Variants in SELENOO observed in about 807,000 individuals in gnomAD.
SELENOO encodes protein adenylyltransferase SelO, mitochondrial.
Under a neutral mutation model 58.7 loss-of-function variants are expected in SELENOO, and 74 were observed. That is an observed-to-expected ratio of 1.26 (90% CI 1.04 to 1.53). SELENOO has a LOEUF of 1.53. Ranked by LOEUF, SELENOO falls within the 40% of genes most tolerant of loss-of-function variation. The pLI is 0.00. For synonymous variants in SELENOO, 543 were observed against 453.2 expected, an observed-to-expected ratio of 1.20 and a Z score of -2.52; for missense variants, 1,149 against 970.0, an observed-to-expected ratio of 1.18 and a Z score of -2.45.
chr22:50,217,561 A>T lies in SELENOO; in HGVS notation c.*192A>T. 1 of 949,954 alleles carries T rather than the reference A, an allele frequency of 1.1e-6. No homozygotes were observed. The highest frequency in any genetic ancestry group is 1.7e-5 in the South Asian group (1 of 58,986). 58.8% of individuals were successfully genotyped at this position (949,954 alleles called of 1,614,324 possible). On this transcript the variant is annotated 3_prime_UTR_variant, in exon 9 of 9. Transcript: ENST00000380903. ...CTGTCTGAGGCCGGCTCAGCAGTGCAGCCTGGTCCCTGGGGGCTGGACCCA... is the reference window on the plus strand; with the variant it reads ...CTGTCTGAGGCCGGCTCAGCAGTGCTGCCTGGTCCCTGGGGGCTGGACCCA...
chr22:50,202,084 C>G (rs758732405), intron 1 of SELENOO, among the ~76,000 whole-genome samples: 180 of 152,110 alleles, frequency 1.2e-3, no homozygotes, highest in Non-Finnish European at 1.9e-3. Flanking sequence ...GTCCAGATGC[C>G]GCCAGGCCCA....
intron 5 of SELENOO, among the ~76,000 whole-genome samples, chr22:50,214,004 A>G (rs2064389252): frequency 6.6e-6 from 1 of 152,146 alleles, no homozygotes; most frequent in African/African-American, 2.4e-5. Flanking sequence ...CTTACTATAG[A>G]TAGAACTGTT....
At position 50,201,276 on chromosome 22, in the gene SELENOO, C is replaced by A; in HGVS notation, c.240C>A (p.Ala80=). The part of the protein sequence containing the change: ...APSAPRPVPG[A]CFTRVQPTPL... ...CCGCGCCGCGGCCCGTGCCCGGGGCCTGCTTCACCCGCGTGCAGCCCACCC... is the reference window on the plus strand; with the variant it reads ...CCGCGCCGCGGCCCGTGCCCGGGGCATGCTTCACCCGCGTGCAGCCCACCC... Residue 80 remains alanine, a synonymous_variant, in exon 1 of 9, where the codon GCC becomes GCA. Coordinates refer to ENST00000380903, the MANE Select transcript of SELENOO (RefSeq NM_031454.2). 1 of 1,075,592 alleles carries A rather than the reference C, an allele frequency of 9.3e-7. No homozygotes were observed. Among genetic ancestry groups the A allele is most frequent in the Admixed American group, 5.3e-5 (1 of 18,886 alleles). 66.6% of individuals were successfully genotyped at this position (1,075,592 alleles called of 1,614,324 possible).
intron 4 of SELENOO, 28 bp downstream of exon 4, chr22:50,210,339 G>A (rs964335981): frequency 6.2e-7 from 1 of 1,606,840 alleles, no homozygotes; most frequent in Non-Finnish European, 8.5e-7. Context: ...CCAGCAAAGT[G>A]CAGGCCCCAG....
chr22:50,204,901 ATAT>A lies in SELENOO; in HGVS notation c.555-1411_555-1409del, dbSNP rs376951571. The stretch of plus-strand genomic sequence containing the variant: ...AAATGTGATGTGTACATACAGTGGA[ATAT>A]TATTCATCCTTAAGAAAGAAGATGC... On this transcript the variant is annotated intron_variant, in intron 1 of 8. Coordinates refer to ENST00000380903, the MANE Select transcript of SELENOO (RefSeq NM_031454.2). Among the ~76,000 whole-genome samples, 920 of 152,380 alleles carry A rather than the reference ATAT, an allele frequency of 6.0e-3. 9 individuals carry two copies. Among genetic ancestry groups the A allele is most frequent in the African/African-American group, 0.021 (872 of 41,590 alleles).
chr22:50,202,042 G>A lies in SELENOO; in HGVS notation c.554+452G>A, dbSNP rs890598908. Among the ~76,000 whole-genome samples, 27 of 152,172 alleles carry A rather than the reference G, an allele frequency of 1.8e-4. 1 individual carries two copies. Among genetic ancestry groups the A allele is most frequent in the Admixed American group, 1.6e-3 (24 of 15,270 alleles). On this transcript the variant is annotated intron_variant, in intron 1 of 8. Coordinates refer to ENST00000380903, the MANE Select transcript of SELENOO (RefSeq NM_031454.2). The stretch of plus-strand genomic sequence containing the variant: ...GCATCGTTTAGATTTCTGTGGGGGG[G>A]CACACAGGTGGTCTAATAAGGCAGG...
rs184814589 is a variant in SELENOO at position 50,206,383 on chromosome 22, C to T, written c.621C>T (p.Phe207=). Residue 207 remains phenylalanine (F), a synonymous_variant, in exon 2 of 9, where the codon TTC becomes TTT. Coordinates refer to ENST00000380903, the MANE Select transcript of SELENOO (RefSeq NM_031454.2). ...IREFLCSEAM[F]HLGVPTTRAG... is the part of the protein sequence containing the mutation. Reference sequence around the variant, plus strand: ...AGTTTCTATGCAGCGAAGCCATGTTCCACCTGGGAGTCCCCACCACACGGG... The same window carrying T: ...AGTTTCTATGCAGCGAAGCCATGTTTCACCTGGGAGTCCCCACCACACGGG... 39 of 1,614,152 alleles carry T rather than the reference C, an allele frequency of 2.4e-5. No homozygotes were observed. The highest frequency in any genetic ancestry group is 3.1e-5 in the Non-Finnish European group (36 of 1,180,048).
chr22:50,211,271 C>G (rs1301301654), intron 5 of SELENOO, among the ~76,000 whole-genome samples: 1 of 152,202 alleles, frequency 6.6e-6, no homozygotes, highest in African/African-American at 2.4e-5. Flanking sequence ...CCTCTTCTGG[C>G]TGTTGCGTAC....
At chr22:50,206,747 G>T (rs1442002095) in intron 2 of SELENOO, among the ~76,000 whole-genome samples, 1 of 152,240 alleles carries the variant, frequency 6.6e-6, no homozygotes, top group East Asian at 1.9e-4. Flanking sequence ...TACTCAGTTA[G>T]GACACTTGTG....
At chr22:50,216,169 C>T (rs1382979701) in intron 6 of SELENOO, among the ~76,000 whole-genome samples, 1 of 152,192 alleles carries the variant, frequency 6.6e-6, no homozygotes, top group Non-Finnish European at 1.5e-5. Flanking sequence ...GTCAAGCTTT[C>T]CCACACCATC....
In SELENOO at chr22:50,217,244, T is replaced by G. The variant is rs1482171066; in HGVS notation, c.1885T>G (p.Cys629Gly). Residue 629 changes from cysteine to glycine, a missense_variant, in exon 9 of 9, where the codon TGC (cysteine) becomes GGC (glycine). Coordinates refer to ENST00000380903, the MANE Select transcript of SELENOO (RefSeq NM_031454.2). ...GAAACTACTGGAGACCCCTTACCAC[T>G]GCGAGGCGGGGGCCGCCACAGACGC... ...VLKLLETPYH[C>G]EAGAATDAEA... The G allele has an allele frequency of 6.2e-7, 1 of 1,611,468 alleles. No individual in the cohort carries two copies. The highest frequency in any genetic ancestry group is 8.5e-7 in the Non-Finnish European group (1 of 1,179,406).
rs1429388937 is a variant in SELENOO, at chr22:50,210,709, G to T, written c.1149G>T (p.Arg383Ser). The T allele has an allele frequency of 1.2e-6, 2 of 1,613,436 alleles. No individual in the cohort carries two copies. The highest frequency in any genetic ancestry group is 3.3e-5 in the Admixed American group (2 of 60,026). The change falls in exon 5 of 9, where the codon AGG becomes AGT. Residue 383 changes from arginine (R) to serine (S), a missense_variant. Coordinates refer to ENST00000380903, the MANE Select transcript of SELENOO (RefSeq NM_031454.2). ...YAYSKQPEVC[R>S]WNLRKLAEAL... ...ACAGCAAGCAGCCCGAGGTGTGCAG[G>T]TGGAACCTGCGGAAGCTGGCCGAGG... is the stretch of plus-strand genomic sequence containing the variant.
Position 50,210,848 on chromosome 22 carries a change from C to A in SELENOO, c.1288C>A (p.Gln430Lys). ...QKMRRKLGLVQVELEEDGALV... is the reference protein window; with the variant it reads ...QKMRRKLGLVKVELEEDGALV... ...GATGCGCAGGAAGCTGGGCCTCGTG[C>A]AGGTGGAGCTGGAGGAAGACGGGGC... Residue 430 changes from glutamine (Q) to lysine (K), a missense_variant, in exon 5 of 9, where the codon CAG (glutamine) becomes AAG (lysine). Physicochemically the swap from Gln to Lys is moderately conservative, Grantham distance 53. Coordinates refer to ENST00000380903, the MANE Select transcript of SELENOO (RefSeq NM_031454.2). 6.2e-7 allele frequency: 1 copy of A among 1,614,150 alleles called. No homozygotes were observed. The highest frequency in any genetic ancestry group is 8.5e-7 in the Non-Finnish European group (1 of 1,180,040).
rs2064425470 is a variant in SELENOO, at chr22:50,217,225, ACTGGAGAC to A, written c.1868_1875del (p.Leu623ProfsTer30). ...TCCAGGTGCGGCGGGTGCTGAAACTACTGGAGACCCCTTACCACTGCGAGGCGGGGGCC... is the reference window on the plus strand; with the variant it reads ...TCCAGGTGCGGCGGGTGCTGAAACTACCCTTACCACTGCGAGGCGGGGGCC... On this transcript the variant is annotated frameshift_variant, in exon 9 of 9. Transcript: ENST00000380903. LOFTEE classifies it low-confidence loss of function (END_TRUNC). 6.2e-7 allele frequency: 1 copy of A among 1,611,506 alleles called. No individual in the cohort carries two copies. Among genetic ancestry groups the A allele is most frequent in the African/African-American group, 1.3e-5 (1 of 74,868 alleles).
intron 2 of SELENOO, among the ~76,000 whole-genome samples, chr22:50,207,615 C>A (rs2064341069): frequency 6.6e-6 from 1 of 150,960 alleles, no homozygotes; most frequent in Admixed American, 6.6e-5. Context: ...GGGGCCACGA[C>A]TTCCTCTGAG....
chr22:50,210,332 G>C, intron 4 of SELENOO, 21 bp downstream of exon 4: 1 of 1,610,978 alleles, frequency 6.2e-7, no homozygotes, highest in Non-Finnish European at 8.5e-7. Context: ...CTGGGGCCCA[G>C]CAAAGTGCAG....
At position 50,201,119 on chromosome 22, in the gene SELENOO, C is replaced by A. The variant is rs1364004270; in HGVS notation, c.83C>A (p.Ala28Glu). 2 of 1,336,268 alleles carry A rather than the reference C, an allele frequency of 1.5e-6. No homozygotes were observed. The highest frequency in any genetic ancestry group is 3.9e-5 in the South Asian group (2 of 51,708). 82.8% of individuals were successfully genotyped at this position (1,336,268 alleles called of 1,614,324 possible). ...LPLGRCSPSPAPRSTLSGAAM... is the reference protein window; with the variant it reads ...LPLGRCSPSPEPRSTLSGAAM... Reference sequence around the variant, plus strand: ...CTCGGTCGCTGTTCCCCGTCGCCGGCGCCCCGCTCTACGTTGTCGGGCGCC... The same window carrying A: ...CTCGGTCGCTGTTCCCCGTCGCCGGAGCCCCGCTCTACGTTGTCGGGCGCC... Residue 28 changes from alanine (A) to glutamate (E), a missense_variant, in exon 1 of 9, where the codon GCG (alanine) becomes GAG (glutamate). Ala to Glu is a moderately radical substitution (Grantham distance 107). Coordinates refer to ENST00000380903, the MANE Select transcript of SELENOO (RefSeq NM_031454.2).
chr22:50,210,661 C>T lies in SELENOO; in HGVS notation c.1101C>T (p.Ser367=), dbSNP rs377648812. The T allele has an allele frequency of 3.6e-5, 58 of 1,612,988 alleles. No individual in the cohort carries two copies. In the East Asian group the frequency reaches 7.1e-4, roughly 20 times the overall value. Residue 367 remains serine (S), a synonymous_variant, in exon 5 of 9, where the codon TCC becomes TCT. Coordinates refer to ENST00000380903, the MANE Select transcript of SELENOO (RefSeq NM_031454.2). ...ACCCCGACCACGTGTGCAATGCCTCCGACAACACCGGCCGCTACGCGTACA... is the reference window on the plus strand; with the variant it reads ...ACCCCGACCACGTGTGCAATGCCTCTGACAACACCGGCCGCTACGCGTACA... ...RYDPDHVCNA[S]DNTGRYAYSK...
rs767535020 is a variant in SELENOO at position 50,216,889 on chromosome 22, T to C, written c.1688+13T>C. 6.2e-6 allele frequency: 10 copies of C among 1,605,194 alleles called. No individual in the cohort carries two copies. The Admixed American group carries it at 1.7e-4, about 27-fold the overall frequency. ...TACAGGCGTACAGGTGAGCCCTGCG[T>C]CCATGGTCACCGGGGGACGGCGGGT... On this transcript the variant is annotated intron_variant, in intron 7 of 8. Transcript: ENST00000380903.
Sources: gnomAD v4.1 joint callset for allele counts (sites outside exome capture counted in the v4.1 genomes callset) on GRCh38, gnomAD v4.1.1 for gene constraint, MANE v1.5 for transcripts, NCBI Gene and HGNC (gene_info 2026-07-23, HGNC 2026-07-21) for gene names.